Variants in HS3ST3B1 observed in about 807,000 individuals in gnomAD.
HS3ST3B1 encodes heparan sulfate glucosamine 3-O-sulfotransferase 3B1.
Under a neutral mutation model 21.3 loss-of-function variants are expected in HS3ST3B1, and 13 were observed. The observed-to-expected ratio is 0.61, with a 90% CI of 0.40 to 0.97. HS3ST3B1 has a LOEUF of 0.97. HS3ST3B1 is among the 50% of genes least tolerant of loss of function. The pLI is 0.00. For missense variants in HS3ST3B1, 459 were observed against 554.8 expected (o/e 0.83, Z 1.73); for synonymous variants, 234 against 254.8 (o/e 0.92, Z 0.78).
intron 1 of HS3ST3B1, among the ~76,000 whole-genome samples, chr17:14,316,109 T>A (rs2036188434): frequency 6.6e-6 from 1 of 152,130 alleles, no homozygotes; most frequent in Admixed American, 6.5e-5. Flanking sequence ...ACACTAATCC[T>A]GTGCTCCCGC....
chr17:14,317,772 A>G (rs1909544146), intron 1 of HS3ST3B1, among the ~76,000 whole-genome samples: 1 of 152,170 alleles, frequency 6.6e-6, no homozygotes, highest in Non-Finnish European at 1.5e-5. Context: ...GAGGGCTTTT[A>G]TCCTACAGAC....
intron 1 of HS3ST3B1, among the ~76,000 whole-genome samples, chr17:14,314,216 T>A (rs958684026): frequency 1.3e-4 from 17 of 135,978 alleles, no homozygotes; most frequent in South Asian, 1.2e-3. Flanking sequence ...TGACCTCAGG[T>A]GATCCACCCG....
intron 1 of HS3ST3B1, among the ~76,000 whole-genome samples, chr17:14,326,721 C>T (rs1909828964): frequency 2.6e-5 from 4 of 151,876 alleles, no homozygotes. Context: ...GGGTTTGAGA[C>T]CAGCCTGGCC....
intron 1 of HS3ST3B1, among the ~76,000 whole-genome samples, chr17:14,340,703 C>T (rs1338325232): frequency 6.6e-6 from 1 of 152,188 alleles, no homozygotes; most frequent in Admixed American, 6.5e-5. Flanking sequence ...CTGTCTCAGC[C>T]TCCCGAGTAG....
chr17:14,314,864 T>C (rs577650888), intron 1 of HS3ST3B1, among the ~76,000 whole-genome samples: 1 of 152,308 alleles, frequency 6.6e-6, no homozygotes, highest in Admixed American at 6.5e-5. Context: ...GTTTCACGAT[T>C]AAATTTCCCC....
chr17:14,309,379 ACCAGCCTCGCCGT>A (rs1909232908), intron 1 of HS3ST3B1, among the ~76,000 whole-genome samples: 1 of 152,148 alleles, frequency 6.6e-6, no homozygotes, highest in Non-Finnish European at 1.5e-5. Flanking sequence ...TGGCCACGTG[ACCAGCCTCGCCGT>A]CCGGCCTCAC....
At chr17:14,336,917 G>A (rs979673799) in intron 1 of HS3ST3B1, among the ~76,000 whole-genome samples, 13 of 152,008 alleles carry the variant, frequency 8.6e-5, no homozygotes, top group African/African-American at 3.1e-4. Context: ...AAGATTTTGG[G>A]GACACATCTG....
At chr17:14,311,038 T>G (rs1222457572) in intron 1 of HS3ST3B1, among the ~76,000 whole-genome samples, 1 of 152,132 alleles carries the variant, frequency 6.6e-6, no homozygotes, top group Admixed American at 6.5e-5. Flanking sequence ...AGTCAATGAA[T>G]AATACATTCG....
At chr17:14,311,336 C>T (rs1909299789) in intron 1 of HS3ST3B1, among the ~76,000 whole-genome samples, 1 of 152,128 alleles carries the variant, frequency 6.6e-6, no homozygotes, top group South Asian at 2.1e-4. Context: ...TCCTCAACCT[C>T]CCAAAGTGCT....
intron 1 of HS3ST3B1, among the ~76,000 whole-genome samples, chr17:14,320,822 T>C (rs2142335314): frequency 6.6e-6 from 1 of 152,304 alleles, no homozygotes; most frequent in African/African-American, 2.4e-5. Context: ...ACAGCCCCAT[T>C]GGCCGCTCAG....
In HS3ST3B1 at chr17:14,324,807, C is replaced by T. The variant is rs113555749; in HGVS notation, c.555-20221C>T. Among the ~76,000 whole-genome samples the T allele has an allele frequency of 7.2e-3, 1,097 of 152,218 alleles. 7 individuals are homozygous for T. The highest frequency in any genetic ancestry group is 9.4e-3 in the Non-Finnish European group (637 of 68,008). On this transcript the variant is annotated intron_variant, in intron 1 of 1. Transcript: ENST00000360954. ...TTAAAAATTTTTGTAGAGATAGGGT[C>T]TCCACTGTGTTATCCAGGTTGGTCT...
intron 1 of HS3ST3B1, among the ~76,000 whole-genome samples, chr17:14,335,443 C>CCAA (rs200139078): frequency 0.016 from 2,479 of 152,150 alleles, 30 homozygotes; most frequent in Non-Finnish European, 0.026. Context: ...GCCTGTAATC[C>CCAA]CAACACTTTG....
In HS3ST3B1 at chr17:14,347,241, C is replaced by T. The variant is rs1198643451; in HGVS notation, c.*1595C>T. 2.0e-5 allele frequency: 3 copies of T among 152,256 alleles called. No homozygotes were observed. The East Asian group carries it at 5.8e-4, about 29-fold the overall frequency. 9.4% of individuals were successfully genotyped at this position (152,256 alleles called of 1,614,324 possible). On this transcript the variant is annotated 3_prime_UTR_variant, in exon 2 of 2. Transcript: ENST00000360954. ...TAGCCAGGTCTTGACAGAAGGGTTA[C>T]CAGCACTGTCACTGCTCTACAGAAT...
rs1908912260 is a variant in HS3ST3B1, at chr17:14,301,433, G to T, written c.-86G>T. 8.1e-7 allele frequency: 1 copy of T among 1,229,620 alleles called. No individual in the cohort carries two copies. The highest frequency in any genetic ancestry group is 1.1e-6 in the Non-Finnish European group (1 of 950,518). 76.2% of individuals were successfully genotyped at this position (1,229,620 alleles called of 1,614,324 possible). A position where few individuals can be genotyped will look rare whatever the true frequency, so the allele number is the denominator to read the frequency against. ...ACCGAGCCACCCGGGCGTCCAGCGTGCCGGGGAACCCTCTCTGCGCTCACT... is the reference window on the plus strand; with the variant it reads ...ACCGAGCCACCCGGGCGTCCAGCGTTCCGGGGAACCCTCTCTGCGCTCACT... On this transcript the variant is annotated 5_prime_UTR_variant, in exon 1 of 2. Transcript: ENST00000360954.
chr17:14,343,847 A>T (rs1318084178), intron 1 of HS3ST3B1, among the ~76,000 whole-genome samples: 1 of 152,034 alleles, frequency 6.6e-6, no homozygotes, highest in South Asian at 2.1e-4. Flanking sequence ...ATTCCTGTGT[A>T]TATCTATCCA....
intron 1 of HS3ST3B1, among the ~76,000 whole-genome samples, chr17:14,307,809 C>A (rs1003500826): frequency 2.0e-5 from 3 of 152,164 alleles, no homozygotes; most frequent in African/African-American, 4.8e-5. Flanking sequence ...ATGAGCATTT[C>A]TTTTGCTGTG....
chr17:14,336,364 C>A (rs1408074646), intron 1 of HS3ST3B1, among the ~76,000 whole-genome samples: 1 of 152,162 alleles, frequency 6.6e-6, no homozygotes, highest in African/African-American at 2.4e-5. Context: ...AAGGAAGAAG[C>A]AGAAGAAGAT....
chr17:14,336,349 G>A (rs541346057), intron 1 of HS3ST3B1, among the ~76,000 whole-genome samples: 13 of 152,200 alleles, frequency 8.5e-5, no homozygotes, highest in Middle Eastern at 3.2e-3. Context: ...GATATCACCC[G>A]AGGAAAGGAA....
At chr17:14,308,979 A>G (rs1246403044) in intron 1 of HS3ST3B1, among the ~76,000 whole-genome samples, 1 of 152,210 alleles carries the variant, frequency 6.6e-6, no homozygotes, top group Non-Finnish European at 1.5e-5. Context: ...TGGGAAGAGC[A>G]GTGAGAATCC....
Sources: allele counts gnomAD v4.1 joint callset (sites outside exome capture counted in the v4.1 genomes callset), GRCh38; gene constraint gnomAD v4.1.1; transcripts MANE v1.5; gene names NCBI Gene and HGNC (gene_info 2026-07-23, HGNC 2026-07-21).